Variants in ABCA13 observed in about 807,000 individuals in gnomAD.
The protein encoded by ABCA13 is ATP-binding cassette sub-family A member 13.
Under a neutral mutation model 478.7 loss-of-function variants are expected in ABCA13, and 476 were observed. The ratio of observed to expected loss-of-function variants is 0.99; its 90% confidence interval spans 0.92 to 1.07. ABCA13 has a LOEUF of 1.07. Ranked by LOEUF, ABCA13 falls within the 50% of genes least tolerant of loss-of-function variation. The pLI is 0.00. For missense variants in ABCA13, 6,060 were observed against 5,910.6 expected, an observed-to-expected ratio of 1.03 and a Z score of -0.83; for synonymous variants, 2,252 against 2,158.9, an observed-to-expected ratio of 1.04 and a Z score of -1.20.
intron 7 of ABCA13, among the ~76,000 whole-genome samples, chr7:48,230,805 C>T (rs1304505388): frequency 1.3e-5 from 2 of 152,136 alleles, no homozygotes; most frequent in African/African-American, 4.8e-5. Context: ...CCATCCACCT[C>T]CCCATTCATC....
At chr7:48,302,469 T>A (rs1412634920) in intron 23 of ABCA13, among the ~76,000 whole-genome samples, 2 of 152,152 alleles carry the variant, frequency 1.3e-5, no homozygotes, top group African/African-American at 4.8e-5. Context: ...ATCCAATAGT[T>A]ATTTTTTCTG....
In ABCA13 at chr7:48,275,497, C is replaced by T. The variant is rs1400885244; in HGVS notation, c.5831C>T (p.Pro1944Leu). The T allele has an allele frequency of 5.0e-6, 8 of 1,613,822 alleles. No homozygotes were observed. The highest frequency in any genetic ancestry group is 1.7e-5 in the Admixed American group (1 of 60,010). The stretch of plus-strand genomic sequence containing the variant: ...AGGGATAGCATCTCTGAACTCTGTC[C>T]TAGTGGTTCCATAAAGCAAGTTGCT... ...QTRDSISELC[P>L]SGSIKQVALQ... The change falls in exon 17 of 62, where the codon CCT becomes CTT. Residue 1944 changes from proline to leucine, a missense_variant. By Grantham distance (98) the Pro-to-Leu change is moderately conservative. Coordinates refer to ENST00000435803, the MANE Select transcript of ABCA13 (RefSeq NM_152701.5).
intron 58 of ABCA13, among the ~76,000 whole-genome samples, chr7:48,608,262 G>T (rs1791672174): frequency 6.6e-6 from 1 of 152,232 alleles, no homozygotes; most frequent in African/African-American, 2.4e-5. Flanking sequence ...GGCACAAGTT[G>T]TGCTCAACCA....
chr7:48,590,272 T>TACAC (rs3031438), intron 57 of ABCA13, among the ~76,000 whole-genome samples: 99 of 149,244 alleles, frequency 6.6e-4, no homozygotes, highest in Middle Eastern at 3.4e-3. Context: ...AATATTTCAT[T>TACAC]ACACACACAC....
chr7:48,373,939 T>A (rs1813054804), intron 33 of ABCA13, among the ~76,000 whole-genome samples: 3 of 152,228 alleles, frequency 2.0e-5, no homozygotes, highest in South Asian at 4.1e-4. Context: ...ATACACCTTC[T>A]TTCTAGTGTA....
chr7:48,523,358 T>C (rs1339050105), intron 53 of ABCA13, among the ~76,000 whole-genome samples: 3 of 152,104 alleles, frequency 2.0e-5, no homozygotes, highest in Non-Finnish European at 4.4e-5. Context: ...GGATATTGGA[T>C]TTTATTTTTA....
chr7:48,199,490 C>T (rs10224298), intron 3 of ABCA13, among the ~76,000 whole-genome samples: 455 of 152,234 alleles, frequency 3.0e-3, no homozygotes, highest in Middle Eastern at 0.01. Context: ...ATCCTATTCA[C>T]GAAGGCTCTG....
intron 43 of ABCA13, among the ~76,000 whole-genome samples, chr7:48,462,868 C>G (rs1826415702): frequency 1.3e-5 from 2 of 152,152 alleles, no homozygotes; most frequent in Non-Finnish European, 2.9e-5. Flanking sequence ...TTTTCCTTTA[C>G]CTCCTTTTAG....
At chr7:48,484,773 G>A (rs1040622763) in intron 47 of ABCA13, among the ~76,000 whole-genome samples, 1 of 152,186 alleles carries the variant, frequency 6.6e-6, no homozygotes, top group Non-Finnish European at 1.5e-5. Context: ...AATTATACTT[G>A]ACCCTTTGGG....
chr7:48,414,213 C>T (rs1048720361), intron 41 of ABCA13, among the ~76,000 whole-genome samples: 3 of 152,224 alleles, frequency 2.0e-5, no homozygotes, highest in East Asian at 1.9e-4. Flanking sequence ...ACATGAACGG[C>T]GCCTCTGCAG....
chr7:48,199,731 C>G (rs866341304), intron 3 of ABCA13, among the ~76,000 whole-genome samples: 1 of 152,176 alleles, frequency 6.6e-6, no homozygotes, highest in African/African-American at 2.4e-5. Flanking sequence ...ATATACAAAA[C>G]TCTGTCTTTC....
At chr7:48,366,992 G>A (rs529117332) in intron 31 of ABCA13, among the ~76,000 whole-genome samples, 1 of 152,218 alleles carries the variant, frequency 6.6e-6, no homozygotes, top group East Asian at 1.9e-4. Context: ...CAGTAACACG[G>A]CTTGTACCTT....
intron 55 of ABCA13, among the ~76,000 whole-genome samples, chr7:48,530,865 T>C (rs1271372522): frequency 6.6e-6 from 1 of 152,170 alleles, no homozygotes; most frequent in Non-Finnish European, 1.5e-5. Flanking sequence ...TTTGTTTGAG[T>C]TCTTTGTAGA....
intron 43 of ABCA13, among the ~76,000 whole-genome samples, chr7:48,460,669 A>G (rs1826149607): frequency 6.6e-6 from 1 of 152,240 alleles, no homozygotes; most frequent in Non-Finnish European, 1.5e-5. Flanking sequence ...AACATTTCCT[A>G]CAACATCTTC....
At chr7:48,476,944 C>G (rs1024724342) in intron 45 of ABCA13, among the ~76,000 whole-genome samples, 1 of 152,152 alleles carries the variant, frequency 6.6e-6, no homozygotes, top group African/African-American at 2.4e-5. Flanking sequence ...AAGGATAAAA[C>G]ATTTTAAAAT....
chr7:48,402,856 C>T (rs1000476262), intron 38 of ABCA13, among the ~76,000 whole-genome samples: 4 of 152,148 alleles, frequency 2.6e-5, no homozygotes, highest in African/African-American at 7.2e-5. Context: ...CCTGCAGCTC[C>T]GAGGAGACAC....
intron 55 of ABCA13, among the ~76,000 whole-genome samples, chr7:48,555,265 A>G (rs1343128673): frequency 6.6e-6 from 1 of 151,902 alleles, no homozygotes; most frequent in African/African-American, 2.4e-5. Context: ...TTGCATCAAC[A>G]TTCATCAGAG....
At position 48,481,061 on chromosome 7, in the gene ABCA13, C is replaced by A; in HGVS notation, c.13001C>A (p.Ala4334Asp). The A allele has an allele frequency of 6.2e-7, 1 of 1,600,246 alleles. No homozygotes were observed. The highest frequency in any genetic ancestry group is 8.5e-7 in the Non-Finnish European group (1 of 1,173,036). The change falls in exon 46 of 62, where the codon GCT (alanine) becomes GAT (aspartate). Residue 4334 changes from alanine (A) to aspartate (D), a missense_variant. Ala to Asp is a moderately radical substitution (Grantham distance 126). Transcript: ENST00000435803. ...CLKCPNRSASAPYLTNHLGHT... is the reference protein window; with the variant it reads ...CLKCPNRSASDPYLTNHLGHT... The stretch of plus-strand genomic sequence containing the variant: ...AAGTGTCCAAATAGAAGTGCTAGTG[C>A]TCCCTACCTGACCAACCACCTGGGC...
chr7:48,319,538 T>A (rs1368074037), intron 27 of ABCA13, among the ~76,000 whole-genome samples: 1 of 152,206 alleles, frequency 6.6e-6, no homozygotes. Context: ...AGTGTTGGAG[T>A]GGCCCATGCT....
Sources: gnomAD v4.1 joint callset for allele counts (sites outside exome capture counted in the v4.1 genomes callset) on GRCh38, gnomAD v4.1.1 for gene constraint, MANE v1.5 for transcripts, NCBI Gene and HGNC (gene_info 2026-07-23, HGNC 2026-07-21) for gene names.